Variants in USP35 observed in about 807,000 individuals in gnomAD.
The protein encoded by USP35 is ubiquitin carboxyl-terminal hydrolase 35.
Under a neutral mutation model 83.8 loss-of-function variants are expected in USP35, and 69 were observed. The observed-to-expected ratio is 0.82, with a 90% CI of 0.68 to 1.01. The LOEUF is 1.01. Among genes scored for constraint, USP35 ranks in the 50% least tolerant of loss-of-function variants. The pLI is 0.00. For missense variants in USP35, 1,503 were observed against 1,362.5 expected (o/e 1.10, Z -1.62); for synonymous variants, 714 against 589.5 (o/e 1.21, Z -3.06).
chr11:78,227,624 T>C, the USP35 span, among the ~76,000 whole-genome samples: 12 of 93,570 alleles, frequency 1.3e-4, no homozygotes, highest in South Asian at 1.2e-3. Flanking sequence ...TAAGACTCCA[T>C]TGCCACCAAA....
intron 6 of USP35, among the ~76,000 whole-genome samples, chr11:78,202,950 G>C (rs544877270): frequency 6.6e-6 from 1 of 152,286 alleles, no homozygotes; most frequent in South Asian, 2.1e-4. Flanking sequence ...CAAATGAGTG[G>C]GTTATTGTTT....
chr11:78,211,296 T>A (rs553138892), intron 10 of USP35, among the ~76,000 whole-genome samples: 1 of 152,374 alleles, frequency 6.6e-6, no homozygotes, highest in Non-Finnish European at 1.5e-5. Flanking sequence ...TTCCTTTTTA[T>A]GGATGCATAG....
the USP35 span, chr11:78,220,583 T>C: frequency 1.6e-6 from 1 of 627,160 alleles, no homozygotes; most frequent in African/African-American, 1.9e-5. Flanking sequence ...ACTTTTCATG[T>C]TTTCATTTTA....
chr11:78,235,042 G>C, the USP35 span, among the ~76,000 whole-genome samples: 1 of 152,082 alleles, frequency 6.6e-6, no homozygotes, highest in Non-Finnish European at 1.5e-5. Context: ...TGCCATGAAG[G>C]TCTCTGATGT....
In USP35 at chr11:78,196,445, T is replaced by G. The variant is rs1863147837; in HGVS notation, c.200T>G (p.Val67Gly). The part of the protein sequence containing the change: ...PRRVGCQLLH[V>G]AGRHHPDVFA... ...CGCGTGGGCTGCCAGCTGCTGCACG[T>G]GGCCGGCCGCCACCACCCCGACGTC... is the stretch of plus-strand genomic sequence containing the variant. Residue 67 changes from valine (V) to glycine (G), a missense_variant, in exon 2 of 11, where the codon GTG becomes GGG. Transcript: ENST00000529308. The surrounding 1 kb of genome is among the most constrained non-coding windows in gnomAD (Gnocchi z 4.8). 1 of 1,269,142 alleles carries G rather than the reference T, an allele frequency of 7.9e-7. No homozygotes were observed. Among genetic ancestry groups the G allele is most frequent in the Non-Finnish European group, 9.9e-7 (1 of 1,008,102 alleles). The allele number at this position is 1,269,142 out of a possible 1,614,324, so 78.6% of individuals were successfully genotyped here. A position where few individuals can be genotyped will look rare whatever the true frequency, so the allele number is the denominator to read the frequency against.
intron 1 of USP35, among the ~76,000 whole-genome samples, chr11:78,189,816 C>T (rs894020088): frequency 2.0e-5 from 3 of 152,236 alleles, no homozygotes; most frequent in African/African-American, 4.8e-5. Context: ...ACCAGTGAAA[C>T]CCTTTTTTCT....
the USP35 span, among the ~76,000 whole-genome samples, chr11:78,228,639 ATGTAAAC>A: frequency 6.6e-6 from 1 of 152,294 alleles, no homozygotes; most frequent in South Asian, 2.1e-4. Flanking sequence ...GCTTCCTCTC[ATGTAAAC>A]TGTACCCACC....
chr11:78,219,427 G>C (rs772221838), downstream of USP35: 104 of 1,613,414 alleles, frequency 6.4e-5, no homozygotes, highest in Middle Eastern at 1.7e-4. Context: ...TGAGGGGACA[G>C]AGTGGGAAAG....
Position 78,213,970 on chromosome 11 carries a change from G to GGAA in USP35, c.*159_*161dup. On this transcript the variant is annotated 3_prime_UTR_variant, in exon 11 of 11. Transcript: ENST00000529308. ...GGTACACAGAGATTCTCTCAGATAT[G>GGAA]GAAGTAAGACCTAAGTCCCTTTCAT... is the stretch of plus-strand genomic sequence containing the variant. The GGAA allele has an allele frequency of 1.3e-6, 1 of 788,290 alleles. No homozygotes were observed. Among genetic ancestry groups the GGAA allele is most frequent in the Non-Finnish European group, 1.8e-6 (1 of 546,750 alleles). 48.8% of individuals were successfully genotyped at this position (788,290 alleles called of 1,614,324 possible).
chr11:78,203,887 C>T (rs1306703997), intron 6 of USP35, among the ~76,000 whole-genome samples: 14 of 124,426 alleles, frequency 1.1e-4, no homozygotes, highest in East Asian at 2.5e-4. Context: ...CCATATTTTT[C>T]TTTTCTTTTT....
the USP35 span, chr11:78,226,680 G>A: frequency 1.9e-6 from 3 of 1,614,078 alleles, no homozygotes; most frequent in South Asian, 2.2e-5. Context: ...TTTGTCCAGA[G>A]TGAATGTCCT....
Position 78,213,679 on chromosome 11 carries a change from T to TACATCTCTGCACTCCCC in USP35, c.2931_2947dup (p.Pro983LeufsTer50). 2 of 1,512,434 alleles carry TACATCTCTGCACTCCCC rather than the reference T, an allele frequency of 1.3e-6. No individual in the cohort carries two copies. Among genetic ancestry groups the TACATCTCTGCACTCCCC allele is most frequent in the Non-Finnish European group, 1.8e-6 (2 of 1,138,532 alleles). The allele number at this position is 1,512,434 out of a possible 1,614,324, so 93.7% of individuals were successfully genotyped here. A position where few individuals can be genotyped will look rare whatever the true frequency, so the allele number is the denominator to read the frequency against. On this transcript the variant is annotated frameshift_variant, in exon 11 of 11. Transcript: ENST00000529308. LOFTEE classifies it high-confidence loss of function. Reference sequence around the variant, plus strand: ...GAAGGAGGCCCGGAGCAGGGCGGCCTACATCTCTGCACTCCCCACATCTCC... The same window carrying TACATCTCTGCACTCCCC: ...GAAGGAGGCCCGGAGCAGGGCGGCCTACATCTCTGCACTCCCCACATCTCTGCACTCCCCACATCTCC...
chr11:78,194,990 A>G (rs924162537), intron 1 of USP35, among the ~76,000 whole-genome samples: 7 of 152,204 alleles, frequency 4.6e-5, no homozygotes, highest in South Asian at 2.1e-4. Context: ...AGTGACTTTC[A>G]GCTGAGGTCT....
the USP35 span, among the ~76,000 whole-genome samples, chr11:78,236,855 CA>C: frequency 2.0e-5 from 3 of 152,100 alleles, no homozygotes; most frequent in Non-Finnish European, 4.4e-5. Context: ...CTAATGTATA[CA>C]CACATGCATA....
At position 78,207,535 on chromosome 11, in the gene USP35, G is replaced by A. The variant is rs1345951495; in HGVS notation, c.1397G>A (p.Arg466Lys). The change falls in exon 8 of 11, where the codon AGA becomes AAA. Residue 466 changes from arginine (R) to lysine (K), a missense_variant. Arg to Lys is a conservative substitution (Grantham distance 26). Coordinates refer to ENST00000529308, the MANE Select transcript of USP35 (RefSeq NM_020798.4). The part of the protein sequence containing the change: ...LQALFMASDF[R>K]HCVLRLTENN... The stretch of plus-strand genomic sequence containing the variant: ...GCCCCTGCTTTGTTTTGAAGCTTCA[G>A]ACATTGTGTGCTCCGCTTGACTGAG... The A allele has an allele frequency of 6.2e-7, 1 of 1,614,070 alleles. No homozygotes were observed. Among genetic ancestry groups the A allele is most frequent in the Non-Finnish European group, 8.5e-7 (1 of 1,180,024 alleles).
In USP35 at chr11:78,196,924, T is replaced by A. The variant is rs761857573; in HGVS notation, c.673+6T>A. The A allele has an allele frequency of 3.5e-6, 5 of 1,444,484 alleles. No homozygotes were observed. The highest frequency in any genetic ancestry group is 5.1e-5 in the Admixed American group (2 of 39,542). The allele number at this position is 1,444,484 out of a possible 1,614,324, so 89.5% of individuals were successfully genotyped here. On this transcript the variant is annotated splice_donor_region_variant and intron_variant, in intron 2 of 10. Coordinates refer to ENST00000529308, the MANE Select transcript of USP35 (RefSeq NM_020798.4). The surrounding 1 kb of genome is among the most constrained non-coding windows in gnomAD (Gnocchi z 4.8). ...CGCAGTCATCTCCTGCGCAGGTGCG[T>A]GTGCGGCCGGGGCAGGAGCGCGGGC...
chr11:78,213,655 A>C lies in USP35; in HGVS notation c.2899A>C (p.Lys967Gln), dbSNP rs376423448. ...TCATCTGTGTTCCCAGGAGCAGGAGAAGGAGGCCCGGAGCAGGGCGGCCTA... is the reference window on the plus strand; with the variant it reads ...TCATCTGTGTTCCCAGGAGCAGGAGCAGGAGGCCCGGAGCAGGGCGGCCTA... ...DNILYLQEQE[K>Q]EARSRAAYIS... The change falls in exon 11 of 11, where the codon AAG becomes CAG. Residue 967 changes from lysine (K) to glutamine (Q), a missense_variant. Coordinates refer to ENST00000529308, the MANE Select transcript of USP35 (RefSeq NM_020798.4). 2 of 1,491,368 alleles carry C rather than the reference A, an allele frequency of 1.3e-6. No individual in the cohort carries two copies. The highest frequency in any genetic ancestry group is 2.8e-5 in the Admixed American group (1 of 36,296). The allele number at this position is 1,491,368 out of a possible 1,614,324, so 92.4% of individuals were successfully genotyped here. A position where few individuals can be genotyped will look rare whatever the true frequency, so the allele number is the denominator to read the frequency against.
intron 10 of USP35, among the ~76,000 whole-genome samples, chr11:78,213,348 G>A (rs1261472660): frequency 1.3e-5 from 2 of 152,184 alleles, no homozygotes; most frequent in African/African-American, 4.8e-5. Flanking sequence ...CCCGTGTGGT[G>A]TGATATGACC....
chr11:78,223,104 TC>T, the USP35 span, among the ~76,000 whole-genome samples: 1 of 152,192 alleles, frequency 6.6e-6, no homozygotes, highest in East Asian at 1.9e-4. Flanking sequence ...TTGCCACTGA[TC>T]CAATGCCAGG....
Sources: allele counts gnomAD v4.1 joint callset (sites outside exome capture counted in the v4.1 genomes callset), GRCh38; gene constraint gnomAD v4.1.1; non-coding constraint Gnocchi (gnomAD v3.1); transcripts MANE v1.5; gene names NCBI Gene and HGNC (gene_info 2026-07-23, HGNC 2026-07-21).